The following KIFC3 variants were observed in gnomAD, a reference collection of about 807,000 sequenced individuals.
The protein encoded by KIFC3 is kinesin-like protein KIFC3.
A neutral mutation model predicts 101.8 loss-of-function variants in KIFC3; 60 were observed. That is an observed-to-expected ratio of 0.59 (90% CI 0.48 to 0.73). The LOEUF (loss-of-function observed/expected upper bound fraction) is 0.73, where lower values mean the gene tolerates loss of function less well. KIFC3 is among the 30% of genes least tolerant of loss of function. The pLI is 0.00. For missense variants in KIFC3, 966 were observed against 1,137.1 expected, an observed-to-expected ratio of 0.85 and a Z score of 2.16; for synonymous variants, 476 against 482.7, an observed-to-expected ratio of 0.99 and a Z score of 0.18.
At chr16:57,851,119 TC>T in intron 1 of KIFC3, among the ~76,000 whole-genome samples, 1 of 152,190 alleles carries the variant, frequency 6.6e-6, no homozygotes, top group Non-Finnish European at 1.5e-5. Context: ...CCAGGCATCC[TC>T]CCACCTCAGC....
chr16:57,759,102 T>C, intron 19 of KIFC3, 23 bp downstream of exon 19: 1 of 1,550,296 alleles, frequency 6.5e-7, no homozygotes, highest in Non-Finnish European at 8.7e-7. Context: ...CGGGCAGCCC[T>C]GGGCCACAGG....
intron 1 of KIFC3, among the ~76,000 whole-genome samples, chr16:57,851,019 C>A (rs1261831365): frequency 6.7e-6 from 1 of 148,834 alleles, no homozygotes; most frequent in African/African-American, 2.5e-5. Flanking sequence ...CCTTTCCTTC[C>A]TTCCTTTTCT....
At chr16:57,780,521 A>G (rs2052588911) in intron 3 of KIFC3, among the ~76,000 whole-genome samples, 1 of 150,316 alleles carries the variant, frequency 6.7e-6, no homozygotes, top group Non-Finnish European at 1.5e-5. Flanking sequence ...AAGAAAAAAA[A>G]TATATATATA....
In KIFC3 at chr16:57,798,056, A is replaced by C; in HGVS notation, c.172+16T>G. The stretch of plus-strand genomic sequence containing the variant: ...AGGAAGGGAAATAAAGAGGCATTTT[A>C]AAAATGCGGACTCACCAGTTCTCAA... On this transcript the variant is annotated intron_variant, in intron 2 of 19. Coordinates refer to ENST00000445690, the MANE Select transcript of KIFC3 (RefSeq NM_001130100.2). 6.3e-7 allele frequency: 1 copy of C among 1,587,558 alleles called. No homozygotes were observed. The highest frequency in any genetic ancestry group is 8.6e-7 in the Non-Finnish European group (1 of 1,167,078).
chr16:57,811,130 G>A (rs1179592346), intron 1 of KIFC3, among the ~76,000 whole-genome samples: 1 of 152,198 alleles, frequency 6.6e-6, no homozygotes. Flanking sequence ...AGTACCTGGG[G>A]TTGGCTTCAC....
intron 1 of KIFC3, among the ~76,000 whole-genome samples, chr16:57,842,274 C>T (rs751756875): frequency 6.6e-6 from 1 of 152,214 alleles, no homozygotes; most frequent in African/African-American, 2.4e-5. Context: ...CTGCCTCCCC[C>T]ACCTGGAATG....
intron 3 of KIFC3, among the ~76,000 whole-genome samples, chr16:57,791,276 T>C (rs1170075175): frequency 1.3e-5 from 2 of 152,212 alleles, no homozygotes; most frequent in Non-Finnish European, 2.9e-5. Context: ...GACCCCACCC[T>C]GTGACCAACT....
chr16:57,760,384 C>T lies in KIFC3; in HGVS notation c.2265G>A (p.Thr755=), dbSNP rs368684965. Residue 755 remains threonine (T), a synonymous_variant, in exon 17 of 20, where the codon ACG becomes ACA. Transcript: ENST00000445690. ...VSPVEKNTSE[T]LYSLKFAERV... ...TCTCAGCAAACTTGAGGGAATAGAG[C>T]GTCTCGCTAGTGTTCTTCTCCACGG... 23 of 1,613,914 alleles carry T rather than the reference C, an allele frequency of 1.4e-5. No individual in the cohort carries two copies. The highest frequency in any genetic ancestry group is 2.7e-5 in the African/African-American group (2 of 75,062).
chr16:57,776,178 C>T (rs2967162), intron 3 of KIFC3: 747,038 of 985,232 alleles, frequency 0.76, 286,337 homozygotes, highest in Non-Finnish European at 0.78. Context: ...TGAGGAAAAG[C>T]GGGCTCTCCC....
intron 2 of KIFC3, among the ~76,000 whole-genome samples, chr16:57,795,547 C>T (rs1483084242): frequency 6.6e-6 from 1 of 152,226 alleles, no homozygotes; most frequent in Non-Finnish European, 1.5e-5. Flanking sequence ...CTCTAGGTGG[C>T]AATTTCTTCC....
chr16:57,761,520 C>T lies in KIFC3; in HGVS notation c.1765G>A (p.Glu589Lys), dbSNP rs1555597663. ...CGGATCTCCAGTTTTTCCTGAGGCT[C>T]TTTCCCTAGCAGGTCCCTGGAGGGG... ...NEVLRDLLGK[E>K]PQEKLEIRLC... The change falls in exon 14 of 20, where the codon GAG becomes AAG. Residue 589 changes from glutamate to lysine, a missense_variant. Glu to Lys is a moderately conservative substitution (Grantham distance 56, BLOSUM62 1). Around this residue, in one of 2 missense-constraint regions of KIFC3, gnomAD observed 689 missense variants for 884.6 expected, o/e 0.78. Coordinates refer to ENST00000445690, the MANE Select transcript of KIFC3 (RefSeq NM_001130100.2). 1 of 1,613,570 alleles carries T rather than the reference C, an allele frequency of 6.2e-7. No homozygotes were observed. Among genetic ancestry groups the T allele is most frequent in the Non-Finnish European group, 8.5e-7 (1 of 1,179,838 alleles).
intron 11 of KIFC3, 191 bp from the exon 12 acceptor site, chr16:57,764,438 C>T (rs1257044231): frequency 1.2e-4 from 70 of 571,716 alleles, no homozygotes; most frequent in Non-Finnish European, 1.3e-4. Context: ...GCAACCGGGC[C>T]GCCCAAAGAC....
chr16:57,771,254 G>A lies in KIFC3; in HGVS notation c.709C>T (p.Leu237=), dbSNP rs781916313. 1 of 1,613,216 alleles carries A rather than the reference G, an allele frequency of 6.2e-7. No individual in the cohort carries two copies. Among genetic ancestry groups the A allele is most frequent in the Non-Finnish European group, 8.5e-7 (1 of 1,180,032 alleles). ...AQEEERLSRR[L]RDSHETIASL... ...GCAATGGTCTCGTGGCTGTCACGCA[G>A]GCGCCGACTAAGCCGCTCCTCCTCC... Residue 237 remains leucine (L), a synonymous_variant, in exon 6 of 20, where the codon CTG becomes TTG. Transcript: ENST00000445690.
At chr16:57,765,777 G>T in intron 10 of KIFC3, 137 bp from the exon 11 acceptor site, 1 of 704,510 alleles carries the variant, frequency 1.4e-6, no homozygotes, top group Non-Finnish European at 2.3e-6. Context: ...GGGGAAGGGG[G>T]CCCACAAAGC....
At chr16:57,803,412 C>G, upstream of KIFC3, 1 of 515,682 alleles carries the variant, frequency 1.9e-6, no homozygotes, top group Admixed American at 2.3e-5. Flanking sequence ...GAGGAGAAAG[C>G]AAGTCACTCT....
At chr16:57,760,159 C>T in intron 17 of KIFC3, 123 bp downstream of exon 17, 2 of 1,203,754 alleles carry the variant, frequency 1.7e-6, no homozygotes, top group South Asian at 1.5e-5. Flanking sequence ...TAGCTCCACC[C>T]AACTCCGGCA....
At chr16:57,775,493 T>C (rs1215275742) in intron 3 of KIFC3, 2 of 989,720 alleles carry the variant, frequency 2.0e-6, no homozygotes, top group African/African-American at 1.7e-5. Flanking sequence ...TCTCTCAGAG[T>C]TAGGGAAAAC....
chr16:57,773,898 G>A (rs1051198543), intron 3 of KIFC3: 1 of 152,014 alleles, frequency 6.6e-6, no homozygotes, highest in African/African-American at 2.4e-5. Flanking sequence ...AGCTCTGAGT[G>A]GTCAGGGAGG....
At position 57,852,591 on chromosome 16, in the gene KIFC3, T is replaced by C. The variant is rs2056080367; in HGVS notation, c.108+10138A>G. Among the ~76,000 whole-genome samples the C allele has an allele frequency of 2.0e-5, 3 of 152,306 alleles. No individual in the cohort carries two copies. The South Asian group carries it at 6.2e-4, about 32-fold the overall frequency. On this transcript the variant is annotated intron_variant, in intron 1 of 2. Transcript: ENST00000563028. ...TTCTATTATCTTTATCCTTATGGAT[T>C]TTTACTTTTTAAATCCTTTACAATC... is the stretch of plus-strand genomic sequence containing the variant.
Sources: gnomAD v4.1 joint callset for allele counts (sites outside exome capture counted in the v4.1 genomes callset) on GRCh38, gnomAD v4.1.1 for gene constraint, gnomAD v4.1.1 regional missense constraint, MANE v1.5 for transcripts, NCBI Gene and HGNC (gene_info 2026-07-23, HGNC 2026-07-21) for gene names.